PDE11A: variants seen among roughly 807,000 people sequenced by gnomAD.
The protein encoded by PDE11A is phosphodiesterase 11A, also known as dual 3',5'-cyclic-AMP and -GMP phosphodiesterase 11A.
In PDE11A, 100 loss-of-function variants were observed where a neutral mutation model predicts 100.5. The ratio of observed to expected loss-of-function variants is 1.00; its 90% CI spans 0.85 to 1.18. The LOEUF is 1.18. PDE11A is among the 50% of genes most tolerant of loss of function. PDE11A has a pLI of 0.00. For missense variants in PDE11A, 1,141 were observed against 1,152.6 expected (o/e 0.99, Z 0.15); for synonymous variants, 381 against 420.8 (o/e 0.91, Z 1.16).
chr2:177,834,005 A>G (rs922393519), intron 6 of PDE11A, among the ~76,000 whole-genome samples: 1 of 152,166 alleles, frequency 6.6e-6, no homozygotes, highest in Non-Finnish European at 1.5e-5. Context: ...GCAGAGGAGG[A>G]GCCTGGCCTC....
In PDE11A at chr2:177,856,312, G is replaced by A. The variant is rs116354857; in HGVS notation, c.1368-15929C>T. Among the ~76,000 whole-genome samples, 1,159 of 152,158 alleles carry A rather than the reference G, an allele frequency of 7.6e-3. 17 individuals carry two copies. The highest frequency in any genetic ancestry group is 0.026 in the African/African-American group (1,073 of 41,500). On this transcript the variant is annotated intron_variant, in intron 5 of 19. Coordinates refer to ENST00000286063, the MANE Select transcript of PDE11A (RefSeq NM_016953.4). ...CAACAAACATTAGATCGTGGGGTGA[G>A]GGGATAGACTTGATTTCCAGAGTTT...
At chr2:178,012,837 G>T (rs1011513181) in intron 2 of PDE11A, among the ~76,000 whole-genome samples, 6 of 152,246 alleles carry the variant, frequency 3.9e-5, no homozygotes, top group Middle Eastern at 3.4e-3. Flanking sequence ...TATGGTATGG[G>T]TATGTAGTGG....
intron 2 of PDE11A, among the ~76,000 whole-genome samples, chr2:178,094,096 C>T (rs1172901416): frequency 6.6e-6 from 1 of 152,164 alleles, no homozygotes; most frequent in Non-Finnish European, 1.5e-5. Flanking sequence ...AAAAGATTAT[C>T]TTCATCAGAA....
At chr2:177,964,846 C>T (rs2085679051) in intron 2 of PDE11A, among the ~76,000 whole-genome samples, 1 of 152,138 alleles carries the variant, frequency 6.6e-6, no homozygotes. Context: ...GTATATGTGT[C>T]TTTATGGTAG....
At chr2:178,091,324 G>A (rs190778084) in intron 2 of PDE11A, among the ~76,000 whole-genome samples, 8 of 152,112 alleles carry the variant, frequency 5.3e-5, no homozygotes, top group African/African-American at 1.9e-4. Context: ...GTGCACCTCG[G>A]CCTCCCAAAG....
intron 4 of PDE11A, among the ~76,000 whole-genome samples, chr2:177,877,181 T>C (rs1352994963): frequency 3.4e-5 from 5 of 146,438 alleles, no homozygotes; most frequent in Non-Finnish European, 7.5e-5. Flanking sequence ...TTTTTTTTTT[T>C]TTGGACAGGT....
At chr2:177,737,688 A>T (rs2081811908) in intron 10 of PDE11A, among the ~76,000 whole-genome samples, 1 of 152,102 alleles carries the variant, frequency 6.6e-6, no homozygotes, top group Non-Finnish European at 1.5e-5. Context: ...AGGCTTCTAC[A>T]CCTGAACTAG....
chr2:177,949,008 A>G (rs1408551769), intron 2 of PDE11A, among the ~76,000 whole-genome samples: 3 of 152,216 alleles, frequency 2.0e-5, no homozygotes, highest in Non-Finnish European at 4.4e-5. Context: ...GTTTGTTTGT[A>G]TTTAAAATGT....
At chr2:177,740,984 G>A (rs1227456711) in intron 10 of PDE11A, among the ~76,000 whole-genome samples, 1 of 152,198 alleles carries the variant, frequency 6.6e-6, no homozygotes, top group Non-Finnish European at 1.5e-5. Context: ...TTGAGCATCA[G>A]TGTCCTATTC....
chr2:177,987,251 A>G (rs1193706100), intron 2 of PDE11A, among the ~76,000 whole-genome samples: 2 of 152,196 alleles, frequency 1.3e-5, no homozygotes, highest in African/African-American at 2.4e-5. Flanking sequence ...AAGAGGGAAA[A>G]GGGTAAAGAA....
intron 9 of PDE11A, among the ~76,000 whole-genome samples, chr2:177,775,604 G>A (rs990793085): frequency 7.2e-5 from 11 of 151,936 alleles, no homozygotes; most frequent in South Asian, 2.1e-4. Flanking sequence ...ACTAAACTTC[G>A]TGCTGCCTGT....
At chr2:177,692,067 A>G (rs889608110) in intron 15 of PDE11A, among the ~76,000 whole-genome samples, 72 of 152,184 alleles carry the variant, frequency 4.7e-4, no homozygotes, top group African/African-American at 1.7e-3. Context: ...CTCTACTTAT[A>G]TTAATTTTGC....
At chr2:177,977,053 C>A (rs200762471) in intron 2 of PDE11A, among the ~76,000 whole-genome samples, 3,252 of 14,028 alleles carry the variant, frequency 0.23, 510 homozygotes, top group African/African-American at 0.37. Flanking sequence ...CCTCTCTCAC[C>A]GCTCCTATTC....
intron 2 of PDE11A, among the ~76,000 whole-genome samples, chr2:177,988,054 C>T (rs35233809): frequency 0.063 from 9,555 of 152,264 alleles, 314 homozygotes; most frequent in South Asian, 0.094. Flanking sequence ...GCAGAAGTGT[C>T]TTCTCATGTC....
intron 1 of PDE11A, among the ~76,000 whole-genome samples, chr2:178,062,116 T>G (rs10207459): frequency 6.6e-6 from 1 of 152,134 alleles, no homozygotes; most frequent in Non-Finnish European, 1.5e-5. Flanking sequence ...GCAAAAGAGA[T>G]TGGGGAGAGA....
At chr2:178,068,202 T>C (rs2087074337) in intron 1 of PDE11A, among the ~76,000 whole-genome samples, 1 of 152,160 alleles carries the variant, frequency 6.6e-6, no homozygotes, top group African/African-American at 2.4e-5. Context: ...GCAGTCACTA[T>C]GATCTGGACT....
intron 2 of PDE11A, among the ~76,000 whole-genome samples, chr2:177,958,185 C>T (rs555210438): frequency 1.3e-5 from 2 of 152,210 alleles, no homozygotes; most frequent in South Asian, 4.1e-4. Context: ...GCCACCGTGC[C>T]CGGCCTCAAT....
chr2:177,997,225 C>G, intron 2 of PDE11A: 1 of 1,311,486 alleles, frequency 7.6e-7, no homozygotes, highest in Non-Finnish European at 1.1e-6. Context: ...ACGATTTCTT[C>G]GTGTGCCCCA....
At chr2:178,091,101 T>C (rs2087417393) in intron 2 of PDE11A, among the ~76,000 whole-genome samples, 1 of 152,204 alleles carries the variant, frequency 6.6e-6, no homozygotes, top group African/African-American at 2.4e-5. Flanking sequence ...AGACAGGATC[T>C]CACTCTGTTG....
Sources: allele counts gnomAD v4.1 joint callset (sites outside exome capture counted in the v4.1 genomes callset), GRCh38; gene constraint gnomAD v4.1.1; transcripts MANE v1.5; gene names NCBI Gene and HGNC (gene_info 2026-07-23, HGNC 2026-07-21).